IKZF2: variants seen among roughly 807,000 people sequenced by gnomAD.
The protein encoded by IKZF2 is IKAROS family zinc finger 2.
IKZF2 carries 15 observed loss-of-function variants against 49.2 expected under a neutral mutation model. The observed-to-expected ratio is 0.30, with a 90% CI of 0.20 to 0.47. The LOEUF is 0.47. Ranked by LOEUF, IKZF2 falls within the 20% of genes least tolerant of loss-of-function variation. The pLI, the probability that IKZF2 is intolerant of heterozygous loss-of-function variation, is 1.00. For synonymous variants in IKZF2, 227 were observed against 221.4 expected, an observed-to-expected ratio of 1.03 and a Z score of -0.23; for missense variants, 567 against 664.6, an observed-to-expected ratio of 0.85 and a Z score of 1.61.
intron 8 of IKZF2, among the ~76,000 whole-genome samples, chr2:213,013,270 A>C (rs2125050168): frequency 6.6e-6 from 1 of 152,120 alleles, no homozygotes; most frequent in Admixed American, 6.6e-5. Flanking sequence ...TAATTAACCC[A>C]TTTATGCCTG....
At chr2:213,061,873 A>C (rs1239192769) in intron 4 of IKZF2, among the ~76,000 whole-genome samples, 1 of 151,624 alleles carries the variant, frequency 6.6e-6, no homozygotes, top group Non-Finnish European at 1.5e-5. Context: ...TGGTTACATA[A>C]TAAATTTATT....
At chr2:213,039,637 G>T (rs1699417332) in intron 6 of IKZF2, among the ~76,000 whole-genome samples, 1 of 152,134 alleles carries the variant, frequency 6.6e-6, no homozygotes, top group Admixed American at 6.5e-5. Flanking sequence ...AAAGAACTTT[G>T]ACATTGTAAG....
intron 4 of IKZF2, among the ~76,000 whole-genome samples, chr2:213,107,059 C>G (rs11687306): frequency 0.88 from 134,016 of 152,158 alleles, 59,229 homozygotes; most frequent in African/African-American, 0.91. Flanking sequence ...TAGAAGGACA[C>G]GGTAAGGAGA....
chr2:213,077,141 G>A (rs1227401593), intron 4 of IKZF2, among the ~76,000 whole-genome samples: 1 of 152,098 alleles, frequency 6.6e-6, no homozygotes, highest in Non-Finnish European at 1.5e-5. Flanking sequence ...CTTATTTTAA[G>A]GATTTTCTAG....
At chr2:213,127,186 T>A (rs2060295410) in intron 4 of IKZF2, among the ~76,000 whole-genome samples, 1 of 152,188 alleles carries the variant, frequency 6.6e-6, no homozygotes, top group African/African-American at 2.4e-5. Context: ...TCATTAGCTA[T>A]GAAAACTGTA....
intron 7 of IKZF2, among the ~76,000 whole-genome samples, chr2:213,020,589 A>G (rs898533294): frequency 6.6e-6 from 1 of 152,220 alleles, no homozygotes; most frequent in African/African-American, 2.4e-5. Context: ...AAAAAATGTT[A>G]ATGATGATAA....
At chr2:213,079,990 A>G (rs1278703541) in intron 4 of IKZF2, among the ~76,000 whole-genome samples, 1 of 152,176 alleles carries the variant, frequency 6.6e-6, no homozygotes, top group African/African-American at 2.4e-5. Context: ...CTAATCTGAT[A>G]AACTGCTGAG....
intron 4 of IKZF2, among the ~76,000 whole-genome samples, chr2:213,086,309 CA>C (rs983183167): frequency 4.6e-5 from 7 of 151,734 alleles, no homozygotes; most frequent in African/African-American, 1.7e-4. Flanking sequence ...TACCTACATC[CA>C]AAAAGAAAAA....
chr2:213,119,942 G>T (rs1377935851), intron 4 of IKZF2, among the ~76,000 whole-genome samples: 1 of 152,218 alleles, frequency 6.6e-6, no homozygotes, highest in African/African-American at 2.4e-5. Context: ...TTGGAGAAAA[G>T]AATTTGCTGT....
chr2:213,037,161 T>C (rs1699112415), intron 6 of IKZF2, among the ~76,000 whole-genome samples: 1 of 152,212 alleles, frequency 6.6e-6, no homozygotes, highest in Non-Finnish European at 1.5e-5. Flanking sequence ...AGCTTTGGAA[T>C]GAGGACAGTG....
intron 6 of IKZF2, among the ~76,000 whole-genome samples, chr2:213,036,061 C>T (rs1698991124): frequency 6.6e-6 from 1 of 152,026 alleles, no homozygotes; most frequent in African/African-American, 2.4e-5. Context: ...ATAATTTATA[C>T]TATTGTTAGA....
At position 213,039,641 on chromosome 2, in the gene IKZF2, T is replaced by A. The variant is rs80053145; in HGVS notation, c.574+10072A>T. ...ACCCTAAGTCAAAAGAACTTTGACATTGTAAGGTTCCTCAAATCTCTCTTA... is the reference window on the plus strand; with the variant it reads ...ACCCTAAGTCAAAAGAACTTTGACAATGTAAGGTTCCTCAAATCTCTCTTA... On this transcript the variant is annotated intron_variant, in intron 6 of 8. Transcript: ENST00000434687. Among the ~76,000 whole-genome samples the A allele has an allele frequency of 4.8e-3, 726 of 152,216 alleles. 9 individuals are homozygous for A. The highest frequency in any genetic ancestry group is 0.017 in the African/African-American group (694 of 41,554).
At chr2:213,032,263 T>A (rs779818628) in intron 6 of IKZF2, among the ~76,000 whole-genome samples, 1 of 152,192 alleles carries the variant, frequency 6.6e-6, no homozygotes, top group Non-Finnish European at 1.5e-5. Context: ...CACTGGCATA[T>A]CTTGGAGATA....
At chr2:213,142,449 T>C (rs1257424529) in intron 4 of IKZF2, among the ~76,000 whole-genome samples, 2 of 151,992 alleles carry the variant, frequency 1.3e-5, no homozygotes, top group African/African-American at 4.8e-5. Context: ...TTACAAGTCA[T>C]AGGTCCATAA....
chr2:213,010,168 A>G (rs1695789372), intron 8 of IKZF2, among the ~76,000 whole-genome samples: 1 of 152,046 alleles, frequency 6.6e-6, no homozygotes, highest in Non-Finnish European at 1.5e-5. Context: ...GAGGACTATG[A>G]GTAATAATAA....
chr2:213,142,831 A>G (rs549654928), intron 4 of IKZF2, among the ~76,000 whole-genome samples: 1 of 152,134 alleles, frequency 6.6e-6, no homozygotes, highest in Non-Finnish European at 1.5e-5. Flanking sequence ...TAAGTAAAGC[A>G]TCTAGCATAC....
intron 5 of IKZF2, among the ~76,000 whole-genome samples, chr2:213,051,973 G>A (rs1455961006): frequency 6.6e-6 from 1 of 151,818 alleles, no homozygotes; most frequent in East Asian, 1.9e-4. Flanking sequence ...CAATGTTTGA[G>A]TTGAAATATT....
intron 7 of IKZF2, among the ~76,000 whole-genome samples, chr2:213,021,167 C>A (rs534066692): frequency 6.6e-6 from 1 of 151,746 alleles, no homozygotes; most frequent in African/African-American, 2.4e-5. Flanking sequence ...GAGCTGAGAT[C>A]GTGCCACTGC....
At chr2:213,104,271 A>G (rs138027616) in intron 4 of IKZF2, among the ~76,000 whole-genome samples, 96 of 151,826 alleles carry the variant, frequency 6.3e-4, no homozygotes, top group African/African-American at 2.2e-3. Context: ...CAAAAAAAAA[A>G]AAAAAGAAAA....
Sources: allele counts gnomAD v4.1 joint callset (sites outside exome capture counted in the v4.1 genomes callset), GRCh38; gene constraint gnomAD v4.1.1; transcripts MANE v1.5; gene names NCBI Gene and HGNC (gene_info 2026-07-23, HGNC 2026-07-21).